DZIP3: variants seen among roughly 807,000 people sequenced by gnomAD.
DZIP3 encodes the protein E3 ubiquitin-protein ligase DZIP3.
In DZIP3, 118 loss-of-function variants were observed where a neutral mutation model predicts 162.0. The ratio of observed to expected loss-of-function variants is 0.73; its 90% CI spans 0.63 to 0.85. The LOEUF is 0.85. DZIP3 is among the 40% of genes least tolerant of loss of function. DZIP3 has a pLI of 0.00. For synonymous variants in DZIP3, 438 were observed against 458.6 expected, an observed-to-expected ratio of 0.96 and a Z score of 0.57; for missense variants, 1,331 against 1,407.0, an observed-to-expected ratio of 0.95 and a Z score of 0.86.
chr3:108,624,453 A>C lies in DZIP3; in HGVS notation c.385A>C (p.Ile129Leu). 6.3e-7 allele frequency: 1 copy of C among 1,590,776 alleles called. No homozygotes were observed. Among genetic ancestry groups the C allele is most frequent in the Non-Finnish European group, 8.6e-7 (1 of 1,163,186 alleles). ...IQAGNYTAHQINIGYYLTLLF... is the reference protein window; with the variant it reads ...IQAGNYTAHQLNIGYYLTLLF... ...ATTTTTTTCTTTGTAGGCACACCAG[A>C]TTAATATTGGTTATTATTTGACATT... The change falls in exon 6 of 33, where the codon ATT becomes CTT. Residue 129 changes from isoleucine (I) to leucine (L), a missense_variant. Around this residue, in one of 2 missense-constraint regions of DZIP3, gnomAD observed 1,278 missense variants for 1,317.1 expected, o/e 0.97. Coordinates refer to ENST00000361582, the MANE Select transcript of DZIP3 (RefSeq NM_014648.4).
At chr3:108,616,048 A>G (rs1309495223) in intron 4 of DZIP3, among the ~76,000 whole-genome samples, 1 of 152,176 alleles carries the variant, frequency 6.6e-6, no homozygotes, top group Non-Finnish European at 1.5e-5. Flanking sequence ...GCGGATCACG[A>G]GGTCAGGAGA....
At chr3:108,614,010 A>G (rs1940865882) in intron 4 of DZIP3, among the ~76,000 whole-genome samples, 1 of 152,190 alleles carries the variant, frequency 6.6e-6, no homozygotes, top group Non-Finnish European at 1.5e-5. Context: ...ATAGCTTGAG[A>G]TGTAAATATT....
chr3:108,635,325 G>C, intron 10 of DZIP3: 1 of 264,550 alleles, frequency 3.8e-6, no homozygotes, highest in Non-Finnish European at 7.4e-6. Context: ...TCATAGAATA[G>C]AATTTCTTAG....
intron 9 of DZIP3, among the ~76,000 whole-genome samples, chr3:108,634,118 A>G (rs77707395): frequency 6.0e-4 from 92 of 152,204 alleles, no homozygotes; most frequent in Non-Finnish European, 8.5e-4. Flanking sequence ...AGCCAATCCG[A>G]TAGGTGGGAA....
chr3:108,619,592 C>T (rs761881503), intron 5 of DZIP3, among the ~76,000 whole-genome samples: 7 of 151,578 alleles, frequency 4.6e-5, no homozygotes, highest in Non-Finnish European at 7.4e-5. Context: ...GCAAGCAGGC[C>T]GGAAGCAAAA....
chr3:108,611,023 T>C, intron 3 of DZIP3, 151 bp from the exon 4 acceptor site: 1 of 639,824 alleles, frequency 1.6e-6, no homozygotes, highest in South Asian at 2.4e-5. Context: ...CATATTATTC[T>C]TCCTTAGATT....
intron 5 of DZIP3, among the ~76,000 whole-genome samples, chr3:108,617,337 A>G (rs1388971051): frequency 1.3e-5 from 2 of 152,202 alleles, no homozygotes; most frequent in Non-Finnish European, 1.5e-5. Context: ...TTCACAATGT[A>G]TACATATTTT....
At chr3:108,666,507 T>C (rs1034114474) in intron 21 of DZIP3, among the ~76,000 whole-genome samples, 1 of 152,092 alleles carries the variant, frequency 6.6e-6, no homozygotes, top group Non-Finnish European at 1.5e-5. Context: ...AGCAAGGATA[T>C]AGAAGACCTC....
At chr3:108,684,177 G>C (rs373650640) in intron 26 of DZIP3, 39 bp from the exon 27 acceptor site, 1 of 1,560,280 alleles carries the variant, frequency 6.4e-7, no homozygotes. Flanking sequence ...ATATGTGGGG[G>C]GGGGTGTTGT....
At chr3:108,613,069 C>T (rs983522264) in intron 4 of DZIP3, among the ~76,000 whole-genome samples, 3 of 151,992 alleles carry the variant, frequency 2.0e-5, no homozygotes, top group Non-Finnish European at 4.4e-5. Flanking sequence ...ATTGTACTCA[C>T]ATTAAATTTA....
chr3:108,629,226 C>T, intron 8 of DZIP3, 50 bp downstream of exon 8: 1 of 1,157,774 alleles, frequency 8.6e-7, no homozygotes, highest in Non-Finnish European at 1.2e-6. Context: ...ATCAGAATAA[C>T]CAACTATATC....
intron 8 of DZIP3, among the ~76,000 whole-genome samples, chr3:108,632,553 A>G (rs1301273860): frequency 6.6e-6 from 1 of 152,240 alleles, no homozygotes; most frequent in African/African-American, 2.4e-5. Flanking sequence ...GCAGTGACCT[A>G]CAGGTTGCTT....
At chr3:108,653,513 A>G (rs879410820) in intron 18 of DZIP3, among the ~76,000 whole-genome samples, 19,391 of 85,516 alleles carry the variant, frequency 0.23, 1,328 homozygotes, top group African/African-American at 0.27. Context: ...GTGTGTATAT[A>G]TATATATATA....
intron 32 of DZIP3, among the ~76,000 whole-genome samples, chr3:108,692,652 A>G (rs1426909961): frequency 6.6e-6 from 1 of 152,150 alleles, no homozygotes; most frequent in Admixed American, 6.5e-5. Context: ...GGTTTACATC[A>G]GAATCACCTG....
intron 17 of DZIP3, 48 bp downstream of exon 17, chr3:108,649,010 T>C: frequency 9.8e-7 from 1 of 1,019,392 alleles, no homozygotes; most frequent in Non-Finnish European, 1.3e-6. Flanking sequence ...ACACTTGAGT[T>C]AAATACATGA....
chr3:108,638,684 T>G (rs1410097353), intron 12 of DZIP3, among the ~76,000 whole-genome samples: 1 of 152,228 alleles, frequency 6.6e-6, no homozygotes, highest in Non-Finnish European at 1.5e-5. Flanking sequence ...CTAAACTAAA[T>G]GAGGATATCA....
intron 21 of DZIP3, among the ~76,000 whole-genome samples, chr3:108,666,778 C>A (rs1943698537): frequency 1.3e-5 from 2 of 152,044 alleles, no homozygotes; most frequent in African/African-American, 4.8e-5. Context: ...ACTATGCAAC[C>A]CATGTCTAAA....
intron 5 of DZIP3, among the ~76,000 whole-genome samples, chr3:108,618,218 T>C (rs1370585833): frequency 6.6e-6 from 1 of 152,214 alleles, no homozygotes; most frequent in East Asian, 1.9e-4. Flanking sequence ...AACTTGCATC[T>C]TTAAATTCCA....
chr3:108,653,507 G>GTGTATATATATATATA (rs1273159630), intron 18 of DZIP3, among the ~76,000 whole-genome samples: 16 of 104,604 alleles, frequency 1.5e-4, no homozygotes, highest in South Asian at 3.2e-4. Flanking sequence ...GTGTGTGTGT[G>GTGTATATATATATATA]TATATATATA....
Sources: gnomAD v4.1 joint callset for allele counts (sites outside exome capture counted in the v4.1 genomes callset) on GRCh38, gnomAD v4.1.1 for gene constraint, gnomAD v4.1.1 regional missense constraint, MANE v1.5 for transcripts, NCBI Gene and HGNC (gene_info 2026-07-23, HGNC 2026-07-21) for gene names.